The following DYSF variants were observed in gnomAD, a reference collection of about 807,000 sequenced individuals.
The protein encoded by DYSF is dystrophy-associated fer-1-like 1.
A neutral mutation model predicts 274.9 loss-of-function variants in DYSF; 212 were observed. The ratio of observed to expected loss-of-function variants is 0.77; its 90% CI spans 0.69 to 0.86. The LOEUF (loss-of-function observed/expected upper bound fraction) is 0.86. Among genes scored for constraint, DYSF ranks in the 40% least tolerant of loss-of-function variants. DYSF has a pLI of 0.00. For synonymous variants in DYSF, 1,091 were observed against 1,078.7 expected (o/e 1.01, Z -0.22); for missense variants, 2,666 against 2,783.2 (o/e 0.96, Z 0.95).
intron 43 of DYSF, 83 bp from the exon 44 acceptor site, chr2:71,658,795 C>A: frequency 6.4e-7 from 1 of 1,557,574 alleles, no homozygotes; most frequent in South Asian, 1.1e-5. Flanking sequence ...AGATACAATT[C>A]AAGTTGAGAT....
intron 30 of DYSF, among the ~76,000 whole-genome samples, chr2:71,580,544 G>T (rs997469007): frequency 1.3e-5 from 2 of 152,252 alleles, no homozygotes; most frequent in African/African-American, 4.8e-5. Flanking sequence ...AGCTGGCACT[G>T]TGAGCAAGGG....
At chr2:71,525,911 G>C (rs996843051) in intron 12 of DYSF, among the ~76,000 whole-genome samples, 4 of 152,166 alleles carry the variant, frequency 2.6e-5, no homozygotes, top group Admixed American at 1.3e-4. Context: ...ACCGGGAGGT[G>C]GGGGAGAGCG....
chr2:71,594,945 T>G (rs1239410863), intron 32 of DYSF, among the ~76,000 whole-genome samples: 1 of 152,248 alleles, frequency 6.6e-6, no homozygotes, highest in Non-Finnish European at 1.5e-5. Flanking sequence ...TTATGTCTCA[T>G]TCATCTTCCT....
Position 71,454,031 on chromosome 2 carries a change from C to T in DYSF, c.33C>T (p.Asn11=). 1.2e-6 allele frequency: 2 copies of T among 1,614,176 alleles called. No individual in the cohort carries two copies. The highest frequency in any genetic ancestry group is 1.7e-6 in the Non-Finnish European group (2 of 1,180,032). The change falls in exon 1 of 55, where the codon AAC becomes AAT. Residue 11 remains asparagine (N), a synonymous_variant. Coordinates refer to the DYSF transcript ENST00000258104. ...GGGTCTTCATCCTCTATGCCGAGAA[C>T]GTCCACACACCCGACACCGACATCA...
chr2:71,513,759 A>C lies in DYSF; in HGVS notation c.597A>C (p.Gly199=). 1 of 1,614,144 alleles carries C rather than the reference A, an allele frequency of 6.2e-7. No homozygotes were observed. The highest frequency in any genetic ancestry group is 8.5e-7 in the Non-Finnish European group (1 of 1,180,006). Residue 199 remains glycine, a synonymous_variant, in exon 7 of 56, where the codon GGA becomes GGC. Coordinates refer to ENST00000410020, the MANE Select transcript of DYSF (RefSeq NM_001130987.2). ...EEDTEDQGLT[G]DEAEPFLDQS... ...ACACAGAGGACCAGGGACTCACTGG[A>C]GATGAGGCGGAGCCATTCCTGGATC...
chr2:71,674,342 C>T (rs1410352759), intron 52 of DYSF, 46 bp downstream of exon 52: 1 of 1,576,800 alleles, frequency 6.3e-7, no homozygotes, highest in Non-Finnish European at 8.7e-7. Flanking sequence ...GGGGCTGCCC[C>T]AGAACCCACA....
At chr2:71,605,399 G>A (rs1262316082) in intron 36 of DYSF, among the ~76,000 whole-genome samples, 2 of 152,198 alleles carry the variant, frequency 1.3e-5, no homozygotes, top group Non-Finnish European at 2.9e-5. Flanking sequence ...CACTCTCGAG[G>A]GCACACACAT....
At position 71,569,815 on chromosome 2, in the gene DYSF, C is replaced by A; in HGVS notation, c.2865-5C>A. 1 of 1,612,976 alleles carries A rather than the reference C, an allele frequency of 6.2e-7. No homozygotes were observed. The highest frequency in any genetic ancestry group is 1.3e-5 in the African/African-American group (1 of 75,036). On this transcript the variant is annotated splice_region_variant and splice_polypyrimidine_tract_variant and intron_variant, in intron 26 of 55. Transcript: ENST00000410020. Reference sequence around the variant, plus strand: ...GCAGAGACTCTGACCAGCCCTCCTCCACAGTCTGCTCCATGACATGGACGC... The same window carrying A: ...GCAGAGACTCTGACCAGCCCTCCTCAACAGTCTGCTCCATGACATGGACGC...
chr2:71,650,878 G>A (rs868785117), intron 42 of DYSF, among the ~76,000 whole-genome samples: 9 of 152,100 alleles, frequency 5.9e-5, no homozygotes, highest in South Asian at 2.1e-4. Context: ...TTAAAGCAGC[G>A]TTCAGAGGGA....
In DYSF at chr2:71,589,579, C is replaced by T. The variant is rs111299035; in HGVS notation, c.3403-14C>T. 4 of 1,613,024 alleles carry T rather than the reference C, an allele frequency of 2.5e-6. No individual in the cohort carries two copies. The highest frequency in any genetic ancestry group is 2.7e-5 in the African/African-American group (2 of 75,012). The stretch of plus-strand genomic sequence containing the variant: ...TGGGGGCAGAATCTGCCATAACCAG[C>T]TTCGTGTCTCCAGGGCGGCGTGATG... On this transcript the variant is annotated splice_polypyrimidine_tract_variant and intron_variant, in intron 30 of 55. Transcript: ENST00000410020.
At chr2:71,504,064 G>A (rs972330824) in intron 4 of DYSF, among the ~76,000 whole-genome samples, 11 of 152,198 alleles carry the variant, frequency 7.2e-5, no homozygotes, top group Non-Finnish European at 1.2e-4. Context: ...GCCCCGTGGC[G>A]GGTGTGTGAG....
intron 41 of DYSF, among the ~76,000 whole-genome samples, chr2:71,635,748 CAAAA>C (rs753590151): frequency 1.4e-5 from 1 of 69,706 alleles, no homozygotes; most frequent in Non-Finnish European, 2.6e-5. Context: ...GACTCTGTCT[CAAAA>C]AAAAAAAAAA....
At chr2:71,646,575 C>G (rs1264072651) in intron 42 of DYSF, among the ~76,000 whole-genome samples, 1 of 152,134 alleles carries the variant, frequency 6.6e-6, no homozygotes, top group African/African-American at 2.4e-5. Flanking sequence ...GTGGAGCACA[C>G]AGTGGGTGCA....
At chr2:71,453,737 A>G in exon 1 of DYSF, 1 of 548,138 alleles carries the variant, frequency 1.8e-6, no homozygotes, top group Non-Finnish European at 3.3e-6. Context: ...GAAGATGAGC[A>G]GAAGCCCCTG....
chr2:71,566,898 C>T (rs555117440), intron 24 of DYSF, among the ~76,000 whole-genome samples: 1 of 152,322 alleles, frequency 6.6e-6, no homozygotes, highest in South Asian at 2.1e-4. Flanking sequence ...CTTCCTGAGC[C>T]TCCTACCTGC....
rs367894874 is a variant in DYSF at position 71,594,021 on chromosome 2, C to CA, written c.3574+3734dup. 5.2e-3 allele frequency among the ~76,000 whole-genome samples: 795 copies of CA among 152,334 alleles called. 10 individuals are homozygous for CA. The highest frequency in any genetic ancestry group is 0.018 in the African/African-American group (748 of 41,578). ...TCCTGTGCCCTCTTTGCTGGCCTTA[C>CA]AGCTCCAGGTAAGGTCACAGTGGTG... On this transcript the variant is annotated intron_variant, in intron 32 of 55. Coordinates refer to ENST00000410020, the MANE Select transcript of DYSF (RefSeq NM_001130987.2).
chr2:71,595,552 G>A (rs755823855), intron 32 of DYSF, among the ~76,000 whole-genome samples: 2 of 152,208 alleles, frequency 1.3e-5, no homozygotes, highest in Non-Finnish European at 2.9e-5. Context: ...AACGCAGAAG[G>A]TCCTCCCCGG....
chr2:71,509,614 C>T (rs1384317966), intron 4 of DYSF, among the ~76,000 whole-genome samples: 1 of 152,114 alleles, frequency 6.6e-6, no homozygotes, highest in East Asian at 1.9e-4. Context: ...TATTTATTTA[C>T]TGTGGTATGG....
At chr2:71,563,014 T>A (rs2091871955) in intron 23 of DYSF, among the ~76,000 whole-genome samples, 1 of 152,182 alleles carries the variant, frequency 6.6e-6, no homozygotes, top group African/African-American at 2.4e-5. Flanking sequence ...CAAACTTGCA[T>A]GTGCATCAGA....
Sources: allele counts gnomAD v4.1 joint callset (sites outside exome capture counted in the v4.1 genomes callset), GRCh38; gene constraint gnomAD v4.1.1; transcripts MANE v1.5; gene names NCBI Gene and HGNC (gene_info 2026-07-23, HGNC 2026-07-21).